SLC25A48: variants seen among roughly 807,000 people sequenced by gnomAD.
The protein encoded by SLC25A48 is solute carrier family 25 member 48.
Under a neutral mutation model 32.2 loss-of-function variants are expected in SLC25A48, and 29 were observed. The ratio of observed to expected loss-of-function variants is 0.90; its 90% CI spans 0.67 to 1.23. The LOEUF is 1.23. Ranked by LOEUF, SLC25A48 falls within the 50% of genes most tolerant of loss-of-function variation. SLC25A48 has a pLI of 0.00. For synonymous variants in SLC25A48, 164 were observed against 172.3 expected (o/e 0.95, Z 0.38); for missense variants, 399 against 422.7 (o/e 0.94, Z 0.49).
intron 1 of SLC25A48, among the ~76,000 whole-genome samples, chr5:135,616,485 GT>G (rs1188671839): frequency 6.6e-6 from 1 of 152,218 alleles, no homozygotes; most frequent in Non-Finnish European, 1.5e-5. Flanking sequence ...GCCCTGGTGT[GT>G]TTCAAACTTG....
chr5:135,739,634 G>A (rs1755455321), intron 3 of SLC25A48, among the ~76,000 whole-genome samples: 1 of 152,184 alleles, frequency 6.6e-6, no homozygotes, highest in Non-Finnish European at 1.5e-5. Context: ...TCATCCTGCT[G>A]GATTTAGGGC....
At chr5:135,665,948 T>C (rs555416584) in intron 3 of SLC25A48, among the ~76,000 whole-genome samples, 3 of 152,240 alleles carry the variant, frequency 2.0e-5, no homozygotes, top group South Asian at 4.2e-4. Flanking sequence ...GGTACTTTTT[T>C]CCTCTCTCTC....
At chr5:135,690,840 G>T (rs1442879025) in intron 3 of SLC25A48, among the ~76,000 whole-genome samples, 1 of 152,114 alleles carries the variant, frequency 6.6e-6, no homozygotes, top group Non-Finnish European at 1.5e-5. Flanking sequence ...GGCCCAAGAG[G>T]CCCCAACAGA....
At chr5:135,689,201 A>G (rs1333828643) in intron 3 of SLC25A48, among the ~76,000 whole-genome samples, 2 of 152,218 alleles carry the variant, frequency 1.3e-5, no homozygotes, top group Non-Finnish European at 2.9e-5. Context: ...TGGGTGCCTC[A>G]GACCCTCTTG....
chr5:135,703,106 T>C (rs182785665), intron 3 of SLC25A48, among the ~76,000 whole-genome samples: 103 of 152,320 alleles, frequency 6.8e-4, no homozygotes, highest in East Asian at 5.8e-4. Flanking sequence ...GATGGTAATA[T>C]GTAATACCGG....
rs549191541 is a variant in SLC25A48, at chr5:135,885,198, C to G, written c.*8-2834C>G. ...CTCCCATCAACCACATCAGAACTGC[C>G]CTTCTGGACCCACCTCCCATTGCTC... On this transcript the variant is annotated intron_variant, in intron 7 of 7. Transcript: ENST00000681962. 3.3e-5 allele frequency among the ~76,000 whole-genome samples: 5 copies of G among 152,240 alleles called. No homozygotes were observed. In the East Asian group the frequency reaches 9.7e-4, roughly 29 times the overall value.
At chr5:135,759,746 A>C (rs993272863) in intron 3 of SLC25A48, among the ~76,000 whole-genome samples, 1 of 152,000 alleles carries the variant, frequency 6.6e-6, no homozygotes, top group Admixed American at 6.6e-5. Context: ...ATCCTTCCAT[A>C]TACGCATCTG....
intron 6 of SLC25A48, among the ~76,000 whole-genome samples, chr5:135,877,632 G>T (rs1316286328): frequency 6.6e-6 from 1 of 152,168 alleles, no homozygotes; most frequent in Non-Finnish European, 1.5e-5. Context: ...GCAGGTGCTG[G>T]GGTCTCAGAG....
At chr5:135,683,116 A>G (rs910537924) in intron 3 of SLC25A48, among the ~76,000 whole-genome samples, 5 of 152,312 alleles carry the variant, frequency 3.3e-5, no homozygotes, top group African/African-American at 9.6e-5. Flanking sequence ...TGTGGCGTCA[A>G]TCTCAACCCT....
At chr5:135,642,039 G>A (rs1364581884) in intron 3 of SLC25A48, among the ~76,000 whole-genome samples, 2 of 152,212 alleles carry the variant, frequency 1.3e-5, no homozygotes, top group African/African-American at 4.8e-5. Context: ...TCTTTAATGA[G>A]CAGTGGTAGT....
chr5:135,641,026 T>C (rs376752484), intron 3 of SLC25A48, among the ~76,000 whole-genome samples: 1 of 152,196 alleles, frequency 6.6e-6, no homozygotes, highest in Non-Finnish European at 1.5e-5. Context: ...ATTAAAGACA[T>C]ATAAATTGGA....
chr5:135,687,919 A>G (rs1754053144), intron 3 of SLC25A48, among the ~76,000 whole-genome samples: 1 of 127,860 alleles, frequency 7.8e-6, no homozygotes, highest in East Asian at 2.1e-4. Flanking sequence ...CACATAATAT[A>G]AAACCATATT....
intron 6 of SLC25A48, 51 bp from the exon 7 acceptor site, chr5:135,879,917 C>T (rs1297053315): frequency 3.3e-6 from 5 of 1,528,254 alleles, no homozygotes; most frequent in Admixed American, 2.0e-5. Flanking sequence ...CTTGGTGGCC[C>T]TGCAGAGAGT....
At chr5:135,842,254 C>T (rs1759064896) in intron 1 of SLC25A48, among the ~76,000 whole-genome samples, 162 bp from the exon 2 acceptor site, 1 of 152,128 alleles carries the variant, frequency 6.6e-6, no homozygotes, top group African/African-American at 2.4e-5. Context: ...CTCTGCCTTC[C>T]TTGGTGCATG....
At chr5:135,761,060 G>A (rs986811048) in intron 3 of SLC25A48, among the ~76,000 whole-genome samples, 3 of 152,096 alleles carry the variant, frequency 2.0e-5, no homozygotes, top group Non-Finnish European at 4.4e-5. Context: ...AACACTTTGG[G>A]AGACCAAGGA....
At chr5:135,876,298 G>A (rs1478045854) in intron 6 of SLC25A48, 2 of 151,902 alleles carry the variant, frequency 1.3e-5, no homozygotes, top group East Asian at 1.9e-4. Context: ...TAAAAAGTCT[G>A]TAGAGGCAAA....
chr5:135,800,066 A>AC (rs1356431330), intron 3 of SLC25A48, among the ~76,000 whole-genome samples: 1 of 151,780 alleles, frequency 6.6e-6, no homozygotes, highest in Non-Finnish European at 1.5e-5. Context: ...CAGGAACTGT[A>AC]CACCCCCCTG....
chr5:135,655,496 G>A (rs1449894332), intron 3 of SLC25A48, among the ~76,000 whole-genome samples: 1 of 152,170 alleles, frequency 6.6e-6, no homozygotes, highest in Non-Finnish European at 1.5e-5. Flanking sequence ...CCAGCCCAGA[G>A]CTCCACTGGA....
chr5:135,808,069 G>A (rs1284139628), intron 3 of SLC25A48, among the ~76,000 whole-genome samples: 2 of 150,370 alleles, frequency 1.3e-5, no homozygotes, highest in African/African-American at 4.9e-5. Context: ...ATCATAGTGT[G>A]TTAACACTAG....
Sources: gnomAD v4.1 joint callset for allele counts (sites outside exome capture counted in the v4.1 genomes callset) on GRCh38, gnomAD v4.1.1 for gene constraint, MANE v1.5 for transcripts, NCBI Gene and HGNC (gene_info 2026-07-23, HGNC 2026-07-21) for gene names.